Variants in ADAM12 observed in about 807,000 individuals in gnomAD.
ADAM12 encodes the protein ADAM metallopeptidase domain 12, also known as disintegrin and metalloproteinase domain-containing protein 12.
A neutral mutation model predicts 106.4 loss-of-function variants in ADAM12; 70 were observed. The ratio of observed to expected loss-of-function variants is 0.66; its 90% CI spans 0.54 to 0.80. ADAM12 has a LOEUF of 0.80. ADAM12 is among the 30% of genes least tolerant of loss of function. The pLI is 0.00. For synonymous variants in ADAM12, 420 were observed against 433.5 expected (o/e 0.97, Z 0.39); for missense variants, 1,010 against 1,171.9 (o/e 0.86, Z 2.02).
chr10:126,177,867 C>T (rs1165909530), intron 3 of ADAM12, among the ~76,000 whole-genome samples: 1 of 152,184 alleles, frequency 6.6e-6, no homozygotes, highest in Non-Finnish European at 1.5e-5. Flanking sequence ...GAAAGGAAGG[C>T]TTTGCATTTG....
intron 3 of ADAM12, among the ~76,000 whole-genome samples, chr10:126,205,443 T>C (rs1486546792): frequency 6.6e-6 from 1 of 152,302 alleles, no homozygotes; most frequent in East Asian, 1.9e-4. Flanking sequence ...AAGTCTTAAT[T>C]TAATGTCAGC....
intron 3 of ADAM12, among the ~76,000 whole-genome samples, chr10:126,180,889 TCAGCCACA>T (rs746096408): frequency 4.2e-4 from 64 of 152,258 alleles, no homozygotes; most frequent in South Asian, 1.0e-3. Context: ...TATTTAACAA[TCAGCCACA>T]CACATTCTAG....
intron 2 of ADAM12, among the ~76,000 whole-genome samples, chr10:126,304,392 C>T (rs981495143): frequency 6.6e-6 from 1 of 151,560 alleles, no homozygotes; most frequent in Non-Finnish European, 1.5e-5. Flanking sequence ...TAAAGAACAG[C>T]AACTTCAAAA....
chr10:126,256,855 AC>A (rs1958901180), intron 3 of ADAM12, among the ~76,000 whole-genome samples: 2 of 152,314 alleles, frequency 1.3e-5, no homozygotes, highest in South Asian at 2.1e-4. Context: ...TTCTTTAAGT[AC>A]TATATTGCAT....
At chr10:126,127,784 G>A (rs1956229764) in intron 5 of ADAM12, among the ~76,000 whole-genome samples, 1 of 152,156 alleles carries the variant, frequency 6.6e-6, no homozygotes, top group Non-Finnish European at 1.5e-5. Flanking sequence ...GAGGAGATGG[G>A]GACACCAGGA....
intron 5 of ADAM12, among the ~76,000 whole-genome samples, chr10:126,135,213 C>G (rs1473263073): frequency 6.6e-6 from 1 of 152,224 alleles, no homozygotes; most frequent in Non-Finnish European, 1.5e-5. Flanking sequence ...ATTAAGCCAG[C>G]AGCTTCAACA....
At chr10:126,183,261 T>C (rs868087199) in intron 3 of ADAM12, among the ~76,000 whole-genome samples, 9 of 152,290 alleles carry the variant, frequency 5.9e-5, no homozygotes, top group South Asian at 2.1e-4. Flanking sequence ...GTAATAATAA[T>C]AGAAATAAAG....
chr10:126,338,249 T>TC (rs1387923125), intron 1 of ADAM12, among the ~76,000 whole-genome samples: 3 of 136,470 alleles, frequency 2.2e-5, no homozygotes, highest in Non-Finnish European at 3.1e-5. Context: ...AACTTACATT[T>TC]TTTTTTTTTT....
intron 21 of ADAM12, among the ~76,000 whole-genome samples, chr10:126,034,172 AAAGT>A: frequency 6.6e-6 from 1 of 152,364 alleles, no homozygotes; most frequent in African/African-American, 2.4e-5. Context: ...AGACTGTGAT[AAAGT>A]AAGTACATAC....
intron 4 of ADAM12, among the ~76,000 whole-genome samples, chr10:126,147,015 T>C (rs1956640616): frequency 6.6e-6 from 1 of 152,230 alleles, no homozygotes; most frequent in Non-Finnish European, 1.5e-5. Flanking sequence ...TAGAAGATAC[T>C]ATCCCTTTCT....
chr10:126,333,973 G>A (rs563589095), intron 1 of ADAM12, among the ~76,000 whole-genome samples: 3 of 152,264 alleles, frequency 2.0e-5, no homozygotes, highest in African/African-American at 4.8e-5. Flanking sequence ...GGATAATCAA[G>A]CCATCTCTCA....
At chr10:126,383,632 G>A (rs1296749653) in intron 1 of ADAM12, among the ~76,000 whole-genome samples, 4 of 151,996 alleles carry the variant, frequency 2.6e-5, no homozygotes, top group Non-Finnish European at 5.9e-5. Context: ...ACATTTAAAG[G>A]TTTGACAAGC....
chr10:126,041,950 T>C (rs1954182530), intron 18 of ADAM12: 1 of 1,428,744 alleles, frequency 7.0e-7, no homozygotes, highest in South Asian at 1.5e-5. Flanking sequence ...CCTTGCACTG[T>C]TTCTGCAGAC....
At chr10:126,021,691 C>T (rs927865101) in intron 21 of ADAM12, among the ~76,000 whole-genome samples, 1 of 152,228 alleles carries the variant, frequency 6.6e-6, no homozygotes, top group Admixed American at 6.5e-5. Flanking sequence ...CATACACACA[C>T]AGTATCCTCA....
chr10:126,346,708 G>C (rs1342666309), intron 1 of ADAM12, among the ~76,000 whole-genome samples: 1 of 152,200 alleles, frequency 6.6e-6, no homozygotes, highest in African/African-American at 2.4e-5. Context: ...GGGTGCTCCT[G>C]TATTGGGTGC....
intron 2 of ADAM12, among the ~76,000 whole-genome samples, chr10:126,293,520 A>AT (rs1960242849): frequency 6.6e-6 from 1 of 151,918 alleles, no homozygotes; most frequent in East Asian, 1.9e-4. Context: ...ATTTATTTTT[A>AT]TTTATTTTGT....
chr10:126,272,915 G>T (rs1959186261), intron 3 of ADAM12: 2 of 229,226 alleles, frequency 8.7e-6, no homozygotes, highest in Admixed American at 4.2e-5. Context: ...CTCTTGGGTT[G>T]GGACAATGTG....
intron 3 of ADAM12, among the ~76,000 whole-genome samples, chr10:126,202,178 C>A (rs1317928682): frequency 6.6e-6 from 1 of 152,248 alleles, no homozygotes; most frequent in Admixed American, 6.5e-5. Context: ...AAGTTCTACT[C>A]CGAAACTTAT....
intron 1 of ADAM12, among the ~76,000 whole-genome samples, chr10:126,378,025 A>G (rs569630367): frequency 2.0e-5 from 3 of 152,350 alleles, no homozygotes; most frequent in Non-Finnish European, 2.9e-5. Context: ...TAAATAATTC[A>G]AAGAAGAAAT....
Sources: allele counts gnomAD v4.1 joint callset (sites outside exome capture counted in the v4.1 genomes callset), GRCh38; gene constraint gnomAD v4.1.1; transcripts MANE v1.5; gene names NCBI Gene and HGNC (gene_info 2026-07-23, HGNC 2026-07-21).